The following CNTN3 variants were observed in gnomAD, a reference collection of about 807,000 sequenced individuals.
The protein encoded by CNTN3 is contactin-3.
CNTN3 carries 60 observed loss-of-function variants against 119.1 expected under a neutral mutation model. That is an observed-to-expected ratio of 0.50 (90% confidence interval 0.41 to 0.62). CNTN3 has a LOEUF of 0.62. Ranked by LOEUF, CNTN3 falls within the 20% of genes least tolerant of loss-of-function variation. The pLI is 0.00. For missense variants in CNTN3, 1,101 were observed against 1,242.4 expected, an observed-to-expected ratio of 0.89 and a Z score of 1.71; for synonymous variants, 450 against 438.7, an observed-to-expected ratio of 1.03 and a Z score of -0.32.
intron 20 of CNTN3, among the ~76,000 whole-genome samples, chr3:74,281,108 T>G (rs931065173): frequency 1.4e-4 from 22 of 152,102 alleles, no homozygotes; most frequent in Admixed American, 3.9e-4. Context: ...GAGTGGATTG[T>G]ATAAGGCCTC....
intron 2 of CNTN3, among the ~76,000 whole-genome samples, chr3:74,507,630 T>C (rs1409832152): frequency 3.3e-4 from 31 of 94,216 alleles, no homozygotes; most frequent in East Asian, 5.2e-4. Flanking sequence ...TTCTTTCTTT[T>C]TTTTTTTTTT....
Position 74,500,242 on chromosome 3 carries a change from A to G in CNTN3, c.56-457T>C, listed in dbSNP as rs551874662. Among the ~76,000 whole-genome samples the G allele has an allele frequency of 3.3e-5, 5 of 152,166 alleles. No homozygotes were observed. The South Asian group carries it at 1.0e-3, about 32-fold the overall frequency. On this transcript the variant is annotated intron_variant, in intron 2 of 22. Transcript: ENST00000263665. ...TTTCTAGTTGGAATAAAAACACTCA[A>G]TATTTTGGTGGGATGTCCATTTTAT...
chr3:74,582,441 C>G (rs1704527508), intron 1 of CNTN3, among the ~76,000 whole-genome samples: 1 of 151,748 alleles, frequency 6.6e-6, no homozygotes, highest in Non-Finnish European at 1.5e-5. Flanking sequence ...AATAGACAAG[C>G]CACACTCTAG....
intron 3 of CNTN3, among the ~76,000 whole-genome samples, chr3:74,494,846 G>A (rs963878390): frequency 1.3e-5 from 2 of 152,008 alleles, no homozygotes; most frequent in Admixed American, 6.6e-5. Context: ...AGCCTACTAG[G>A]GCAATCTGAC....
intron 1 of CNTN3, among the ~76,000 whole-genome samples, 55 bp downstream of exon 1, chr3:74,614,336 G>A (rs1043450552): frequency 8.6e-5 from 13 of 152,044 alleles, no homozygotes; most frequent in African/African-American, 2.9e-4. Context: ...TGCCCTGGCA[G>A]GTGGCTCATC....
intron 1 of CNTN3, among the ~76,000 whole-genome samples, chr3:74,525,247 T>C (rs1012481609): frequency 6.6e-6 from 1 of 151,926 alleles, no homozygotes; most frequent in Admixed American, 6.6e-5. Context: ...AAAGAAAAGA[T>C]ATGTTAATAT....
At chr3:74,382,212 A>T (rs969630380) in intron 5 of CNTN3, among the ~76,000 whole-genome samples, 5 of 152,156 alleles carry the variant, frequency 3.3e-5, no homozygotes, top group African/African-American at 1.2e-4. Context: ...CCGCCTAAAA[A>T]AAAACTAATA....
intron 3 of CNTN3, among the ~76,000 whole-genome samples, chr3:74,492,712 C>T (rs549878319): frequency 1.3e-5 from 2 of 152,146 alleles, no homozygotes; most frequent in African/African-American, 4.8e-5. Flanking sequence ...AAAATCACTG[C>T]CTTCCAACAC....
At chr3:74,306,250 T>C (rs1039375356) in intron 13 of CNTN3, among the ~76,000 whole-genome samples, 22 of 150,152 alleles carry the variant, frequency 1.5e-4, no homozygotes, top group Non-Finnish European at 3.1e-4. Context: ...TAAAATTAGT[T>C]GAAATGGGAT....
chr3:74,448,191 C>A (rs756970799), intron 4 of CNTN3, among the ~76,000 whole-genome samples: 10 of 152,122 alleles, frequency 6.6e-5, no homozygotes, highest in Non-Finnish European at 1.3e-4. Flanking sequence ...ATAATTTCAT[C>A]TTTTTGGTGT....
intron 13 of CNTN3, among the ~76,000 whole-genome samples, chr3:74,318,367 C>A (rs190700337): frequency 1.3e-5 from 2 of 152,140 alleles, no homozygotes. Context: ...TAGCTTTGTT[C>A]CGTTGCTGGT....
intron 5 of CNTN3, among the ~76,000 whole-genome samples, chr3:74,401,796 A>T (rs1705201246): frequency 6.6e-6 from 1 of 151,860 alleles, no homozygotes; most frequent in Admixed American, 6.6e-5. Context: ...CATTTCCCCC[A>T]CTCTCACCTC....
chr3:74,391,349 C>T lies in CNTN3; in HGVS notation c.455-19950G>A, dbSNP rs185546551. On this transcript the variant is annotated intron_variant, in intron 5 of 22. Coordinates refer to ENST00000263665, the MANE Select transcript of CNTN3 (RefSeq NM_020872.3). ...AGGAAGTAGTGCTCAGGTGTATGGGCTCTGATCCAGCTCTACTGCTTACCA... is the reference window on the plus strand; with the variant it reads ...AGGAAGTAGTGCTCAGGTGTATGGGTTCTGATCCAGCTCTACTGCTTACCA... Among the ~76,000 whole-genome samples the T allele has an allele frequency of 1.9e-3, 290 of 152,212 alleles. 1 individual carries two copies. The South Asian group carries it at 0.022, about 12-fold the overall frequency.
rs1703197838 is a variant in CNTN3 at position 74,503,296 on chromosome 3, G to A, written c.56-3511C>T. Among the ~76,000 whole-genome samples, 6 of 152,134 alleles carry A rather than the reference G, an allele frequency of 3.9e-5. No homozygotes were observed. In the South Asian group the frequency reaches 1.0e-3, roughly 26 times the overall value. On this transcript the variant is annotated intron_variant, in intron 2 of 22. Coordinates refer to ENST00000263665, the MANE Select transcript of CNTN3 (RefSeq NM_020872.3). ...AACTTCAGTATTTCCTGATGGCGCT[G>A]GAGTTAATGGCCTATGAGGCACATA...
chr3:74,439,945 C>G (rs1454307078), intron 4 of CNTN3, among the ~76,000 whole-genome samples: 4 of 152,130 alleles, frequency 2.6e-5, no homozygotes, highest in Non-Finnish European at 5.9e-5. Flanking sequence ...TCCTTGGTTT[C>G]TCTTTCTCAG....
chr3:74,475,539 C>G (rs553405165), intron 4 of CNTN3, among the ~76,000 whole-genome samples: 1 of 152,098 alleles, frequency 6.6e-6, no homozygotes, highest in African/African-American at 2.4e-5. Context: ...CAAGGCTGTA[C>G]TTATGGGGAA....
chr3:74,329,113 T>A (rs576544073), intron 13 of CNTN3, among the ~76,000 whole-genome samples: 2 of 152,278 alleles, frequency 1.3e-5, no homozygotes, highest in South Asian at 4.1e-4. Flanking sequence ...ATGAAATAAA[T>A]CAAGTCAAAG....
chr3:74,516,422 A>T (rs899590375), intron 2 of CNTN3, among the ~76,000 whole-genome samples: 3 of 150,518 alleles, frequency 2.0e-5, no homozygotes, highest in Admixed American at 2.0e-4. Context: ...CACTTAATGA[A>T]TAGTAACTAC....
intron 5 of CNTN3, among the ~76,000 whole-genome samples, chr3:74,397,180 T>C: frequency 6.6e-6 from 1 of 152,204 alleles, no homozygotes; most frequent in East Asian, 1.9e-4. Flanking sequence ...CTAAATCTAC[T>C]CTGTCTGTGG....
Sources: gnomAD v4.1 joint callset for allele counts (sites outside exome capture counted in the v4.1 genomes callset) on GRCh38, gnomAD v4.1.1 for gene constraint, MANE v1.5 for transcripts, NCBI Gene and HGNC (gene_info 2026-07-23, HGNC 2026-07-21) for gene names.